Variants in APPL2 observed in about 807,000 individuals in gnomAD.
APPL2 encodes adaptor protein, phosphotyrosine interacting with PH domain and leucine zipper 2, also known as DCC-interacting protein 13-beta.
In APPL2, 84 loss-of-function variants were observed where a neutral mutation model predicts 92.7. The ratio of observed to expected loss-of-function variants is 0.91; its 90% confidence interval spans 0.76 to 1.09. The LOEUF (loss-of-function observed/expected upper bound fraction) is 1.09, where lower values mean the gene tolerates loss of function less well. Ranked by LOEUF, APPL2 falls within the 50% of genes least tolerant of loss-of-function variation. The pLI is 0.00. For missense variants in APPL2, 736 were observed against 824.5 expected (o/e 0.89, Z 1.31); for synonymous variants, 291 against 291.0 (o/e 1.00, Z 0.00).
intron 5 of APPL2, 21 bp from the exon 6 acceptor site, chr12:105,208,220 C>A (rs567052582): frequency 1.2e-6 from 2 of 1,613,678 alleles, no homozygotes; most frequent in Non-Finnish European, 1.7e-6. Context: ...GAAAAGGGAC[C>A]GTCTTAGAGC....
chr12:105,221,687 C>T (rs908508638), intron 2 of APPL2, among the ~76,000 whole-genome samples: 10 of 151,342 alleles, frequency 6.6e-5, no homozygotes, highest in South Asian at 2.1e-4. Context: ...CACTCTGGGC[C>T]GCTCTGGCTG....
At chr12:105,209,849 A>G (rs555636631) in intron 5 of APPL2, among the ~76,000 whole-genome samples, 1 of 152,262 alleles carries the variant, frequency 6.6e-6, no homozygotes, top group East Asian at 1.9e-4. Context: ...TTATTTATTA[A>G]GTTTTAGTGC....
rs577920277 is a variant in APPL2, at chr12:105,206,336, A to C, written c.621+725T>G. 2.6e-5 allele frequency among the ~76,000 whole-genome samples: 4 copies of C among 152,314 alleles called. No homozygotes were observed. The South Asian group carries it at 8.3e-4, about 32-fold the overall frequency. ...TGTTCCTAGATTGTCAACTGAGAGA[A>C]GATTCCTGGGTGCCTTTCTCACGGG... On this transcript the variant is annotated intron_variant, in intron 8 of 20. Transcript: ENST00000258530.
At chr12:105,188,140 A>T in intron 17 of APPL2, 133 bp downstream of exon 17, 3 of 969,018 alleles carry the variant, frequency 3.1e-6, no homozygotes, top group Non-Finnish European at 4.5e-6. Flanking sequence ...TATCTATCTT[A>T]TGTAAAAAGT....
At chr12:105,232,878 G>C (rs1891024359) in intron 1 of APPL2, among the ~76,000 whole-genome samples, 1 of 152,072 alleles carries the variant, frequency 6.6e-6, no homozygotes, top group Non-Finnish European at 1.5e-5. Context: ...AAACCACCAG[G>C]TTATGTTTTG....
chr12:105,174,891 TGC>T (rs1885374331), intron 20 of APPL2, among the ~76,000 whole-genome samples: 1 of 112,712 alleles, frequency 8.9e-6, no homozygotes, highest in African/African-American at 3.3e-5. Flanking sequence ...GGGGGGGTGG[TGC>T]GGCGGTTGGA....
chr12:105,233,590 A>C (rs1377539985), intron 1 of APPL2: 1 of 169,664 alleles, frequency 5.9e-6, no homozygotes, highest in East Asian at 1.9e-4. Context: ...ATAAAACTAG[A>C]AGAAACACAC....
intron 7 of APPL2, 144 bp from the exon 8 acceptor site, chr12:105,207,351 C>G: frequency 1.1e-6 from 1 of 902,090 alleles, no homozygotes; most frequent in Non-Finnish European, 1.6e-6. Context: ...TGCACTTCAA[C>G]TTTCTAAAAA....
rs776833088 is a variant in APPL2 at position 105,197,749 on chromosome 12, A to G, written c.1052+16T>C. On this transcript the variant is annotated intron_variant, in intron 11 of 20. Transcript: ENST00000258530. The stretch of plus-strand genomic sequence containing the variant: ...CTATACTCATTCTCCTCCCAAATAA[A>G]ACGCGTGAAACATACGATTTTCCAT... 2.5e-6 allele frequency: 4 copies of G among 1,613,994 alleles called. No homozygotes were observed. The Admixed American group carries it at 6.7e-5, about 27-fold the overall frequency.
At chr12:105,191,916 C>T (rs1887234227) in intron 14 of APPL2, among the ~76,000 whole-genome samples, 1 of 152,164 alleles carries the variant, frequency 6.6e-6, no homozygotes, top group African/African-American at 2.4e-5. Flanking sequence ...CCTCCCTCTC[C>T]TTTCTCCCAT....
chr12:105,182,430 C>A (rs188412636), intron 17 of APPL2, among the ~76,000 whole-genome samples: 3 of 152,310 alleles, frequency 2.0e-5, no homozygotes, highest in African/African-American at 7.2e-5. Flanking sequence ...TAGCTGTGTT[C>A]CAGAGATTGT....
chr12:105,197,097 G>A (rs948575719), intron 11 of APPL2, among the ~76,000 whole-genome samples: 6 of 152,124 alleles, frequency 3.9e-5, no homozygotes, highest in Non-Finnish European at 8.8e-5. Flanking sequence ...CCAGGCAGGT[G>A]AACCCTGAAG....
chr12:105,227,638 T>C (rs184387516), intron 2 of APPL2, among the ~76,000 whole-genome samples: 18 of 152,242 alleles, frequency 1.2e-4, no homozygotes, highest in African/African-American at 3.6e-4. Flanking sequence ...ACCTCCTAAA[T>C]ACCTCTCAAG....
chr12:105,204,108 G>A (rs1006730387), intron 8 of APPL2, among the ~76,000 whole-genome samples: 2 of 152,224 alleles, frequency 1.3e-5, no homozygotes, highest in African/African-American at 4.8e-5. Flanking sequence ...GAACATTTCT[G>A]TGTATTAGTG....
chr12:105,196,477 C>T (rs1887665290), intron 11 of APPL2, among the ~76,000 whole-genome samples: 1 of 129,560 alleles, frequency 7.7e-6, no homozygotes, highest in Non-Finnish European at 1.6e-5. Context: ...TCTTGTTGCA[C>T]CAGGCTGGAG....
intron 2 of APPL2, among the ~76,000 whole-genome samples, chr12:105,222,586 G>C (rs1341927033): frequency 6.6e-6 from 1 of 152,200 alleles, no homozygotes; most frequent in African/African-American, 2.4e-5. Flanking sequence ...GTGCCGTTGA[G>C]ATGTCCTTGC....
At chr12:105,197,681 C>A in intron 11 of APPL2, 84 bp downstream of exon 11, 2 of 1,529,572 alleles carry the variant, frequency 1.3e-6, no homozygotes, top group Non-Finnish European at 1.8e-6. Flanking sequence ...AGAGGGCTGG[C>A]ACATAGGAAT....
chr12:105,218,681 C>T (rs754525318), intron 2 of APPL2, among the ~76,000 whole-genome samples: 1 of 152,156 alleles, frequency 6.6e-6, no homozygotes, highest in Non-Finnish European at 1.5e-5. Context: ...TGCAGGCCCC[C>T]GGGGCCCAGG....
chr12:105,233,508 C>T (rs1891063886), intron 1 of APPL2: 4 of 579,958 alleles, frequency 6.9e-6, no homozygotes, highest in African/African-American at 2.0e-5. Context: ...AGTTCAATTA[C>T]AAAAGCTTTG....
Sources: allele counts gnomAD v4.1 joint callset (sites outside exome capture counted in the v4.1 genomes callset), GRCh38; gene constraint gnomAD v4.1.1; transcripts MANE v1.5; gene names NCBI Gene and HGNC (gene_info 2026-07-23, HGNC 2026-07-21).